The following NHEJ1 variants were observed in gnomAD, a reference collection of about 807,000 sequenced individuals.
The protein encoded by NHEJ1 is non-homologous end joining factor 1.
Under a neutral mutation model 39.4 loss-of-function variants are expected in NHEJ1, and 22 were observed. The observed-to-expected ratio is 0.56, with a 90% CI of 0.40 to 0.80. NHEJ1 has a LOEUF of 0.80. NHEJ1 is among the 30% of genes least tolerant of loss of function. The pLI is 0.00. For missense variants in NHEJ1, 329 were observed against 357.1 expected, an observed-to-expected ratio of 0.92 and a Z score of 0.63; for synonymous variants, 154 against 135.6, an observed-to-expected ratio of 1.14 and a Z score of -0.94.
At chr2:219,081,410 C>G (rs1949066295) in intron 5 of NHEJ1, among the ~76,000 whole-genome samples, 1 of 152,162 alleles carries the variant, frequency 6.6e-6, no homozygotes, top group African/African-American at 2.4e-5. Context: ...GCACGATGTA[C>G]CGGCCACAAT....
At chr2:219,147,595 G>C in intron 4 of NHEJ1, 62 bp downstream of exon 4, 1 of 1,607,372 alleles carries the variant, frequency 6.2e-7, no homozygotes, top group South Asian at 1.1e-5. Context: ...CTCCCTCTTT[G>C]CTAAGACCCT....
At chr2:219,078,869 G>A (rs944553632) in intron 5 of NHEJ1, among the ~76,000 whole-genome samples, 5 of 152,104 alleles carry the variant, frequency 3.3e-5, no homozygotes, top group South Asian at 2.1e-4. Flanking sequence ...AGTATAAAGC[G>A]TGCACACACA....
chr2:219,133,775 A>G (rs547248101), intron 5 of NHEJ1, among the ~76,000 whole-genome samples: 7 of 152,354 alleles, frequency 4.6e-5, no homozygotes, highest in Admixed American at 4.6e-4. Context: ...TGGGGGAAAG[A>G]AGCTGGAAGT....
At chr2:219,079,210 C>G (rs561826378) in intron 5 of NHEJ1, among the ~76,000 whole-genome samples, 1 of 152,272 alleles carries the variant, frequency 6.6e-6, no homozygotes, top group East Asian at 1.9e-4. Flanking sequence ...CCTGGCTGCA[C>G]TTCGGAATCT....
At chr2:219,152,761 C>T (rs558208693) in intron 3 of NHEJ1, among the ~76,000 whole-genome samples, 11 of 143,952 alleles carry the variant, frequency 7.6e-5, no homozygotes, top group African/African-American at 2.7e-4. Context: ...GCCATCATCC[C>T]CGGGATCTCT....
chr2:219,105,461 G>T (rs1386040571), intron 5 of NHEJ1, among the ~76,000 whole-genome samples: 1 of 152,202 alleles, frequency 6.6e-6, no homozygotes, highest in African/African-American at 2.4e-5. Context: ...CAGCTCACTA[G>T]ACTGCAAGCT....
intron 5 of NHEJ1, among the ~76,000 whole-genome samples, chr2:219,085,852 A>T (rs1213084877): frequency 2.0e-5 from 3 of 152,068 alleles, no homozygotes; most frequent in African/African-American, 7.2e-5. Flanking sequence ...AAAATGAGAT[A>T]ATTTTGCTGC....
At chr2:219,107,543 C>G (rs1271752478) in intron 5 of NHEJ1, among the ~76,000 whole-genome samples, 2 of 152,194 alleles carry the variant, frequency 1.3e-5, no homozygotes, top group African/African-American at 4.8e-5. Flanking sequence ...GGTAAGCAGA[C>G]TGGCATCGTG....
At chr2:219,132,323 T>C (rs1468043083) in intron 5 of NHEJ1, among the ~76,000 whole-genome samples, 1 of 152,232 alleles carries the variant, frequency 6.6e-6, no homozygotes, top group Non-Finnish European at 1.5e-5. Flanking sequence ...GATACTCTGC[T>C]TAAGACTTGC....
At chr2:219,150,046 C>T (rs1268560030) in intron 3 of NHEJ1, among the ~76,000 whole-genome samples, 1 of 152,242 alleles carries the variant, frequency 6.6e-6, no homozygotes, top group East Asian at 1.9e-4. Flanking sequence ...TATCCCATAA[C>T]ATGTGCAAGC....
At chr2:219,135,210 G>A (rs563485836) in intron 5 of NHEJ1, among the ~76,000 whole-genome samples, 1 of 152,286 alleles carries the variant, frequency 6.6e-6, no homozygotes, top group South Asian at 2.1e-4. Context: ...TCTTCTACTA[G>A]GGGAAAGAGG....
At chr2:219,152,866 A>C (rs1574745776) in intron 3 of NHEJ1, among the ~76,000 whole-genome samples, 1 of 151,384 alleles carries the variant, frequency 6.6e-6, no homozygotes. Context: ...GCAATGGCGC[A>C]ATCTCAGCTC....
chr2:219,092,378 T>C (rs1467499358), intron 5 of NHEJ1, among the ~76,000 whole-genome samples: 1 of 152,178 alleles, frequency 6.6e-6, no homozygotes, highest in Non-Finnish European at 1.5e-5. Context: ...TCTGTAATAT[T>C]ATAACATATG....
At chr2:219,094,392 G>C (rs919104021) in intron 5 of NHEJ1, among the ~76,000 whole-genome samples, 4 of 152,296 alleles carry the variant, frequency 2.6e-5, no homozygotes, top group African/African-American at 9.6e-5. Context: ...GCTGGGAGAA[G>C]GGGACTGGAA....
At chr2:219,144,552 G>A (rs748292308) in intron 5 of NHEJ1, among the ~76,000 whole-genome samples, 2 of 152,132 alleles carry the variant, frequency 1.3e-5, no homozygotes, top group Non-Finnish European at 2.9e-5. Flanking sequence ...TTGCAAGTTA[G>A]ATAAGGCCAG....
chr2:219,122,927 G>A (rs1462038926), intron 5 of NHEJ1, among the ~76,000 whole-genome samples: 3 of 152,178 alleles, frequency 2.0e-5, no homozygotes, highest in South Asian at 2.1e-4. Context: ...AGTGGATAGC[G>A]GAGGCCAGTT....
At chr2:219,077,411 T>TGG in intron 6 of NHEJ1, 47 bp from the exon 7 acceptor site, 6 of 1,376,122 alleles carry the variant, frequency 4.4e-6, no homozygotes, top group Non-Finnish European at 6.2e-6. Context: ...TGCCTTCTTC[T>TGG]TACCAGGAAG....
rs1016988692 is a variant in NHEJ1, at chr2:219,075,155, G to A, written c.*1226C>T. On this transcript the variant is annotated 3_prime_UTR_variant, in exon 8 of 8. Transcript: ENST00000356853. ...AGCTGTCTGGGCTTAAATTCTGGCT[G>A]TCACTTATTAGCTGTATGACCTTTG... is the stretch of plus-strand genomic sequence containing the variant. Among the ~76,000 whole-genome samples, 2 of 152,192 alleles carry A rather than the reference G, an allele frequency of 1.3e-5. No individual in the cohort carries two copies. The highest frequency in any genetic ancestry group is 2.9e-5 in the Non-Finnish European group (2 of 68,042).
intron 5 of NHEJ1, among the ~76,000 whole-genome samples, chr2:219,090,605 C>T (rs1274672568): frequency 1.3e-5 from 2 of 152,174 alleles, no homozygotes; most frequent in East Asian, 1.9e-4. Flanking sequence ...TAGCCACACA[C>T]GGGAGCCTTT....
Sources: gnomAD v4.1 joint callset for allele counts (sites outside exome capture counted in the v4.1 genomes callset) on GRCh38, gnomAD v4.1.1 for gene constraint, MANE v1.5 for transcripts, NCBI Gene and HGNC (gene_info 2026-07-23, HGNC 2026-07-21) for gene names.